The following CSMD1 variants were observed in gnomAD, a reference collection of about 807,000 sequenced individuals.
CSMD1 encodes the protein CUB and Sushi multiple domains 1.
In CSMD1, 213 loss-of-function variants were observed where a neutral mutation model predicts 417.5. That is an observed-to-expected ratio of 0.51 (90% CI 0.46 to 0.57). The LOEUF (loss-of-function observed/expected upper bound fraction) is 0.57. Among genes scored for constraint, CSMD1 ranks in the 20% least tolerant of loss-of-function variants. The pLI is 0.00. For missense variants in CSMD1, 6,923 were observed against 4,529.7 expected (o/e 1.53, Z -15.17); for synonymous variants, 2,862 against 1,736.8 (o/e 1.65, Z -16.11).
intron 10 of CSMD1, among the ~76,000 whole-genome samples, chr8:3,572,415 C>T (rs958838588): frequency 6.6e-6 from 1 of 152,142 alleles, no homozygotes; most frequent in African/African-American, 2.4e-5. Context: ...AGGCAGCAGA[C>T]GCAGGGAGCT....
At chr8:4,651,294 G>T (rs1228052598) in intron 1 of CSMD1, among the ~76,000 whole-genome samples, 1 of 151,978 alleles carries the variant, frequency 6.6e-6, no homozygotes, top group Non-Finnish European at 1.5e-5. Flanking sequence ...AAATGTTAAA[G>T]ATTTGGTATT....
chr8:4,493,425 G>C (rs1801819482), intron 2 of CSMD1, among the ~76,000 whole-genome samples: 1 of 152,134 alleles, frequency 6.6e-6, no homozygotes, highest in Non-Finnish European at 1.5e-5. Flanking sequence ...GTCGGGACTG[G>C]TGGTTCACGC....
intron 47 of CSMD1, among the ~76,000 whole-genome samples, chr8:3,094,880 C>T (rs556889742): frequency 9.3e-5 from 14 of 150,828 alleles, no homozygotes; most frequent in Middle Eastern, 3.6e-3. Context: ...AAAATGTCAT[C>T]GCTTAAAAAC....
intron 23 of CSMD1, among the ~76,000 whole-genome samples, chr8:3,310,274 T>G (rs1369916572): frequency 1.3e-5 from 2 of 152,230 alleles, no homozygotes. Context: ...TATTCAGTGC[T>G]CATTTCTGTT....
chr8:3,098,719 T>G (rs1815515542), intron 46 of CSMD1, among the ~76,000 whole-genome samples: 1 of 152,088 alleles, frequency 6.6e-6, no homozygotes, highest in African/African-American at 2.4e-5. Flanking sequence ...ATAATGAAAT[T>G]AGGGTCCGTG....
In CSMD1 at chr8:3,272,264, G is replaced by A. The variant is rs187909086; in HGVS notation, c.4153+11880C>T. Among the ~76,000 whole-genome samples, 88 of 143,676 alleles carry A rather than the reference G, an allele frequency of 6.1e-4. 2 individuals are homozygous for A. Among genetic ancestry groups the A allele is most frequent in the African/African-American group, 2.2e-3 (86 of 38,616 alleles). The allele number at this position is 143,676 out of a possible 152,430, so 94.3% of individuals were successfully genotyped here. On this transcript the variant is annotated intron_variant, in intron 26 of 69. Coordinates refer to ENST00000635120, the MANE Select transcript of CSMD1 (RefSeq NM_033225.6). ...GTAGATATGCGGCGTTATTTCTGAG[G>A]GCTCTGTTCTATTCCATTGATCTAT...
intron 7 of CSMD1, among the ~76,000 whole-genome samples, chr8:3,655,487 A>G (rs139730091): frequency 7.2e-4 from 110 of 152,274 alleles, no homozygotes; most frequent in African/African-American, 2.6e-3. Context: ...TATCAGAAAT[A>G]GGTTTGGCAT....
At chr8:3,481,389 G>A (rs1285570519) in intron 11 of CSMD1, among the ~76,000 whole-genome samples, 1 of 152,010 alleles carries the variant, frequency 6.6e-6, no homozygotes, top group Non-Finnish European at 1.5e-5. Context: ...AACAGCGTCT[G>A]GTACTTCAGA....
At chr8:3,542,332 C>G (rs370905673) in intron 10 of CSMD1, among the ~76,000 whole-genome samples, 2 of 152,004 alleles carry the variant, frequency 1.3e-5, no homozygotes, top group Non-Finnish European at 2.9e-5. Flanking sequence ...TCAGATGGTT[C>G]ATTCAGAATC....
chr8:4,159,410 T>A (rs1455733637), intron 3 of CSMD1, among the ~76,000 whole-genome samples: 5 of 152,194 alleles, frequency 3.3e-5, no homozygotes, highest in Non-Finnish European at 5.9e-5. Flanking sequence ...AAGAAGTCAT[T>A]ATATGAAAAA....
chr8:3,101,962 T>C (rs1815789251), intron 46 of CSMD1, among the ~76,000 whole-genome samples: 2 of 152,006 alleles, frequency 1.3e-5, no homozygotes, highest in South Asian at 4.2e-4. Flanking sequence ...CCACCACATC[T>C]GGCTAATTTT....
intron 15 of CSMD1, among the ~76,000 whole-genome samples, chr8:3,402,893 G>A (rs528787206): frequency 1.1e-3 from 168 of 151,698 alleles, no homozygotes; most frequent in African/African-American, 3.9e-3. Context: ...TTTGTTCTAC[G>A]TTAGAGGACT....
At chr8:3,197,490 G>C (rs898810225) in intron 33 of CSMD1, among the ~76,000 whole-genome samples, 15 of 146,262 alleles carry the variant, frequency 1.0e-4, no homozygotes, top group African/African-American at 3.6e-4. Context: ...TTTTGAGACG[G>C]AGTCTCGCTC....
chr8:4,270,622 A>G (rs1208199707), intron 3 of CSMD1, among the ~76,000 whole-genome samples: 2 of 152,188 alleles, frequency 1.3e-5, no homozygotes, highest in African/African-American at 4.8e-5. Flanking sequence ...TGACTCTGAT[A>G]GAATTAAACC....
chr8:4,233,010 G>A (rs1259948206), intron 3 of CSMD1, among the ~76,000 whole-genome samples: 1 of 152,142 alleles, frequency 6.6e-6, no homozygotes, highest in Non-Finnish European at 1.5e-5. Context: ...GTGGTGTCAT[G>A]TCTACATGCA....
intron 3 of CSMD1, among the ~76,000 whole-genome samples, chr8:4,353,384 G>C (rs565866462): frequency 6.6e-6 from 1 of 152,016 alleles, no homozygotes; most frequent in African/African-American, 2.4e-5. Context: ...CTCCCCAGCC[G>C]TGTGGAACTG....
intron 1 of CSMD1, among the ~76,000 whole-genome samples, chr8:4,715,639 A>G (rs1808604155): frequency 6.6e-6 from 1 of 152,162 alleles, no homozygotes; most frequent in African/African-American, 2.4e-5. Context: ...TTTTCCCTTC[A>G]AAATCATTTC....
In CSMD1 at chr8:3,082,389, T is replaced by C. The variant is rs371432373; in HGVS notation, c.7474+4708A>G. On this transcript the variant is annotated intron_variant, in intron 49 of 69. Transcript: ENST00000635120. ...TGCTCCTGCCAGCTTCTCCAACCCA[T>C]CGTCCTCCACCATGTCCCCTTCACA... 1.2e-4 allele frequency among the ~76,000 whole-genome samples: 18 copies of C among 152,290 alleles called. No individual in the cohort carries two copies. In the South Asian group the frequency reaches 3.5e-3, roughly 30 times the overall value.
chr8:4,742,923 TG>T (rs1474544688), intron 1 of CSMD1, among the ~76,000 whole-genome samples: 6 of 152,254 alleles, frequency 3.9e-5, no homozygotes, highest in African/African-American at 1.4e-4. Flanking sequence ...GAAAATAAAT[TG>T]TAAAAATGTA....
Sources: gnomAD v4.1 joint callset for allele counts (sites outside exome capture counted in the v4.1 genomes callset) on GRCh38, gnomAD v4.1.1 for gene constraint, MANE v1.5 for transcripts, NCBI Gene and HGNC (gene_info 2026-07-23, HGNC 2026-07-21) for gene names.